NPAS3: variants seen among roughly 807,000 people sequenced by gnomAD.
The protein encoded by NPAS3 is neuronal PAS domain-containing protein 3.
In NPAS3, 14 loss-of-function variants were observed where a neutral mutation model predicts 73.1. The ratio of observed to expected loss-of-function variants is 0.19; its 90% CI spans 0.13 to 0.30. The LOEUF (loss-of-function observed/expected upper bound fraction) is 0.30, where lower values mean the gene tolerates loss of function less well. Among genes scored for constraint, NPAS3 ranks in the 10% least tolerant of loss-of-function variants. The probability of loss-of-function intolerance (pLI) is 1.00; values close to 1 mark genes in which losing one functional copy is unlikely to be tolerated. For synonymous variants in NPAS3, 620 were observed against 541.5 expected, an observed-to-expected ratio of 1.14 and a Z score of -2.01; for missense variants, 1,096 against 1,250.0, an observed-to-expected ratio of 0.88 and a Z score of 1.86.
intron 6 of NPAS3, among the ~76,000 whole-genome samples, chr14:33,713,985 T>C (rs1459726118): frequency 6.6e-6 from 1 of 152,152 alleles, no homozygotes; most frequent in Non-Finnish European, 1.5e-5. Context: ...GAACACTATC[T>C]CACCGGATAT....
At chr14:33,378,597 G>T (rs1272360362) in intron 4 of NPAS3, among the ~76,000 whole-genome samples, 1 of 152,062 alleles carries the variant, frequency 6.6e-6, no homozygotes, top group Non-Finnish European at 1.5e-5. Flanking sequence ...GAGCGTGCCA[G>T]TGCACTCCAG....
intron 4 of NPAS3, among the ~76,000 whole-genome samples, chr14:33,520,146 T>G (rs971275174): frequency 6.6e-6 from 1 of 152,148 alleles, no homozygotes; most frequent in African/African-American, 2.4e-5. Flanking sequence ...TTGAAGGATA[T>G]TGGGTCGGGG....
intron 4 of NPAS3, among the ~76,000 whole-genome samples, chr14:33,544,788 T>TTATATATATATATATATATATATACA (rs71406561): frequency 6.2e-4 from 39 of 63,262 alleles, no homozygotes; most frequent in African/African-American, 3.4e-3. Context: ...TGTGTGTGTA[T>TTATATATATATATATATATATATACA]TATATATATA....
At chr14:33,103,592 G>A (rs1026306804) in intron 2 of NPAS3, among the ~76,000 whole-genome samples, 3 of 152,162 alleles carry the variant, frequency 2.0e-5, no homozygotes, top group African/African-American at 7.2e-5. Flanking sequence ...TATTTGCACT[G>A]TGAAATTTTA....
intron 4 of NPAS3, among the ~76,000 whole-genome samples, chr14:33,386,095 G>A (rs952700241): frequency 3.3e-5 from 5 of 151,202 alleles, no homozygotes; most frequent in African/African-American, 1.2e-4. Flanking sequence ...GACCAATGTA[G>A]TAGTGCTCAG....
chr14:33,515,769 C>A (rs1377336859), intron 4 of NPAS3, among the ~76,000 whole-genome samples: 1 of 152,094 alleles, frequency 6.6e-6, no homozygotes, highest in Admixed American at 6.6e-5. Context: ...CTTCTAGAAA[C>A]TTTTCCAGAA....
intron 3 of NPAS3, among the ~76,000 whole-genome samples, chr14:33,227,954 G>A (rs1409866948): frequency 6.6e-6 from 1 of 152,116 alleles, no homozygotes; most frequent in Non-Finnish European, 1.5e-5. Flanking sequence ...AAATCTTTGG[G>A]ACTGTGAACA....
intron 5 of NPAS3, among the ~76,000 whole-genome samples, chr14:33,586,241 G>GTTTTTTGTTTTTTTTTTTTTTTTTTT (rs1237735843): frequency 4.7e-5 from 7 of 148,710 alleles, no homozygotes; most frequent in African/African-American, 1.5e-4. Context: ...GCAATCAGAT[G>GTTTTTTGTTTTTTTTTTTTTTTTTTT]TTTTATTGAC....
intron 11 of NPAS3, among the ~76,000 whole-genome samples, chr14:33,798,368 G>A (rs1566553633): frequency 1.3e-5 from 2 of 152,098 alleles, no homozygotes; most frequent in African/African-American, 4.8e-5. Flanking sequence ...CACTAAACTT[G>A]TAGGATTTTT....
At chr14:33,334,329 A>C (rs1224568136) in intron 3 of NPAS3, among the ~76,000 whole-genome samples, 2 of 152,194 alleles carry the variant, frequency 1.3e-5, no homozygotes, top group Non-Finnish European at 2.9e-5. Flanking sequence ...TCCAGCTTTT[A>C]AAACACTTCC....
chr14:32,998,008 C>T (rs934816115), intron 1 of NPAS3, among the ~76,000 whole-genome samples: 1 of 152,124 alleles, frequency 6.6e-6, no homozygotes, highest in African/African-American at 2.4e-5. Flanking sequence ...CCTTCGTACC[C>T]AGAAATTCCA....
intron 2 of NPAS3, among the ~76,000 whole-genome samples, chr14:33,161,125 A>G (rs1595577837): frequency 6.6e-6 from 1 of 152,172 alleles, no homozygotes; most frequent in Non-Finnish European, 1.5e-5. Flanking sequence ...AAGCATGGGG[A>G]TATTAAGTTA....
chr14:33,347,517 G>A (rs1194493073), intron 3 of NPAS3, among the ~76,000 whole-genome samples: 1 of 152,192 alleles, frequency 6.6e-6, no homozygotes, highest in Non-Finnish European at 1.5e-5. Flanking sequence ...ATTGCCGGAG[G>A]GCTTCACAGG....
chr14:33,504,676 T>C (rs2052673240), intron 4 of NPAS3, among the ~76,000 whole-genome samples: 1 of 152,056 alleles, frequency 6.6e-6, no homozygotes, highest in Non-Finnish European at 1.5e-5. Context: ...TTTAAGCAAA[T>C]ATTTATTCAG....
chr14:33,079,107 G>C (rs2041771450), intron 2 of NPAS3, among the ~76,000 whole-genome samples: 1 of 152,134 alleles, frequency 6.6e-6, no homozygotes, highest in African/African-American at 2.4e-5. Context: ...CATACTCAGA[G>C]ATGCTTCAGA....
chr14:33,417,447 T>C (rs1218075075), intron 4 of NPAS3, among the ~76,000 whole-genome samples: 1 of 152,056 alleles, frequency 6.6e-6, no homozygotes, highest in African/African-American at 2.4e-5. Context: ...GGTGTCGTTA[T>C]TGTGAATTTG....
chr14:33,003,338 G>T (rs1432718441), intron 1 of NPAS3, among the ~76,000 whole-genome samples: 1 of 151,580 alleles, frequency 6.6e-6, no homozygotes, highest in Non-Finnish European at 1.5e-5. Context: ...GCTGCAGAAA[G>T]AATTTAGCTA....
At chr14:32,954,653 A>G (rs886165267) in intron 1 of NPAS3, among the ~76,000 whole-genome samples, 8 of 152,086 alleles carry the variant, frequency 5.3e-5, no homozygotes, top group African/African-American at 1.9e-4. Context: ...TCCTAATCCC[A>G]GTATGAGTCT....
At chr14:33,126,658 C>T (rs2043438558) in intron 2 of NPAS3, among the ~76,000 whole-genome samples, 1 of 152,028 alleles carries the variant, frequency 6.6e-6, no homozygotes, top group Admixed American at 6.6e-5. Flanking sequence ...GAGAGGGTGG[C>T]AGACTGTTCT....
Sources: allele counts gnomAD v4.1 joint callset (sites outside exome capture counted in the v4.1 genomes callset), GRCh38; gene constraint gnomAD v4.1.1; transcripts MANE v1.5; gene names NCBI Gene and HGNC (gene_info 2026-07-23, HGNC 2026-07-21).